The following RPS6KC1 variants were observed in gnomAD, a reference collection of about 807,000 sequenced individuals.
RPS6KC1 encodes the protein inactive ribosomal protein S6 kinase delta-1.
In RPS6KC1, 54 loss-of-function variants were observed where a neutral mutation model predicts 103.8. The ratio of observed to expected loss-of-function variants is 0.52; its 90% confidence interval spans 0.42 to 0.65. The LOEUF (loss-of-function observed/expected upper bound fraction) is 0.65, where lower values mean the gene tolerates loss of function less well. Ranked by LOEUF, RPS6KC1 falls within the 30% of genes least tolerant of loss-of-function variation. The pLI is 0.00. For synonymous variants in RPS6KC1, 439 were observed against 438.7 expected, an observed-to-expected ratio of 1.00 and a Z score of -0.01; for missense variants, 1,151 against 1,253.8, an observed-to-expected ratio of 0.92 and a Z score of 1.24.
intron 6 of RPS6KC1, among the ~76,000 whole-genome samples, chr1:213,151,395 G>C (rs1482916961): frequency 7.5e-6 from 1 of 133,024 alleles, no homozygotes; most frequent in Admixed American, 7.3e-5. Flanking sequence ...GGGCAGAGGG[G>C]CTCCTCGCTT....
At chr1:213,407,244 A>G in the RPS6KC1 span, among the ~76,000 whole-genome samples, 11 of 145,164 alleles carry the variant, frequency 7.6e-5, no homozygotes, top group Non-Finnish European at 1.2e-4. Flanking sequence ...ACACACACAC[A>G]CACGCAGAGA....
At chr1:213,164,556 C>CT (rs2090780951) in intron 6 of RPS6KC1, among the ~76,000 whole-genome samples, 1 of 152,114 alleles carries the variant, frequency 6.6e-6, no homozygotes, top group Non-Finnish European at 1.5e-5. Context: ...ATTTTTCTTT[C>CT]TTTTTTTCTT....
At chr1:213,420,455 C>T in the RPS6KC1 span, among the ~76,000 whole-genome samples, 3 of 152,168 alleles carry the variant, frequency 2.0e-5, no homozygotes, top group African/African-American at 4.8e-5. Flanking sequence ...GCTGTCAGAA[C>T]GGCCCTGAAG....
At chr1:213,858,061 A>T in the RPS6KC1 span, among the ~76,000 whole-genome samples, 1 of 152,232 alleles carries the variant, frequency 6.6e-6, no homozygotes, top group Non-Finnish European at 1.5e-5. Flanking sequence ...GAGCACTGCA[A>T]CATCAGTTAT....
At chr1:213,086,207 GC>G (rs2080380221) in intron 3 of RPS6KC1, among the ~76,000 whole-genome samples, 1 of 152,168 alleles carries the variant, frequency 6.6e-6, no homozygotes, top group Non-Finnish European at 1.5e-5. Flanking sequence ...GTTTTGGTGT[GC>G]TTCCGTTCCT....
chr1:213,691,152 T>C, the RPS6KC1 span, among the ~76,000 whole-genome samples: 1 of 152,130 alleles, frequency 6.6e-6, no homozygotes, highest in South Asian at 2.1e-4. Flanking sequence ...CGTGGAAGCC[T>C]CCCTGGCTCA....
chr1:213,762,448 T>C, the RPS6KC1 span, among the ~76,000 whole-genome samples: 80 of 152,232 alleles, frequency 5.3e-4, no homozygotes, highest in African/African-American at 1.9e-3. Context: ...TGAATGAAAA[T>C]AAGAAAAGTG....
chr1:213,819,700 G>A, the RPS6KC1 span: 1 of 152,214 alleles, frequency 6.6e-6, no homozygotes, highest in Non-Finnish European at 1.5e-5. Flanking sequence ...CACATAGAAA[G>A]TGCTCTGGTG....
rs1480497116 is a variant in RPS6KC1 at position 213,077,573 on chromosome 1, T to C, written c.142-123T>C. The C allele has an allele frequency of 1.9e-5, 9 of 470,946 alleles. No individual in the cohort carries two copies. In the Admixed American group the frequency reaches 2.7e-4, roughly 14 times the overall value. 29.2% of individuals were successfully genotyped at this position (470,946 alleles called of 1,614,324 possible). ...GTTAATTTCAGTCAGTTAATCATAT[T>C]GTTTAGGACATGTGTTTGCCTTTGC... On this transcript the variant is annotated intron_variant, in intron 2 of 14. Transcript: ENST00000366960.
chr1:213,114,948 G>A (rs545759840), intron 4 of RPS6KC1, among the ~76,000 whole-genome samples: 10 of 152,162 alleles, frequency 6.6e-5, no homozygotes, highest in Admixed American at 4.6e-4. Context: ...TGCTGGATTT[G>A]GTTTGCCAGT....
At chr1:213,370,790 C>T in the RPS6KC1 span, among the ~76,000 whole-genome samples, 2 of 152,142 alleles carry the variant, frequency 1.3e-5, no homozygotes, top group Non-Finnish European at 2.9e-5. Context: ...AGAGACTCTA[C>T]TCTAGATGGG....
the RPS6KC1 span, among the ~76,000 whole-genome samples, chr1:213,708,583 C>T: frequency 6.6e-6 from 1 of 152,114 alleles, no homozygotes; most frequent in Non-Finnish European, 1.5e-5. Context: ...ACTTCCAATA[C>T]TGTTTTGAAT....
At chr1:213,714,759 G>C in the RPS6KC1 span, among the ~76,000 whole-genome samples, 2 of 152,224 alleles carry the variant, frequency 1.3e-5, no homozygotes, top group Non-Finnish European at 2.9e-5. Context: ...TGATTTCTTT[G>C]GAGTGTATTT....
At chr1:213,696,502 CAAAAAAAA>C in the RPS6KC1 span, among the ~76,000 whole-genome samples, 8 of 120,932 alleles carry the variant, frequency 6.6e-5, no homozygotes, top group African/African-American at 3.6e-4. Flanking sequence ...AACTCCGTCT[CAAAAAAAA>C]AAAAAAAAAA....
At chr1:213,152,498 G>C (rs2089283717) in intron 6 of RPS6KC1, among the ~76,000 whole-genome samples, 1 of 151,478 alleles carries the variant, frequency 6.6e-6, no homozygotes, top group African/African-American at 2.4e-5. Context: ...TGGCTGCCGG[G>C]CGGAGGGGCT....
At chr1:213,734,666 G>A in the RPS6KC1 span, among the ~76,000 whole-genome samples, 1 of 152,212 alleles carries the variant, frequency 6.6e-6, no homozygotes. Context: ...GTGGAAAAAA[G>A]ATGGCTGGCC....
the RPS6KC1 span, among the ~76,000 whole-genome samples, chr1:213,859,187 G>C: frequency 2.0e-5 from 3 of 152,218 alleles, no homozygotes; most frequent in Non-Finnish European, 4.4e-5. Flanking sequence ...GTAAGAAAGA[G>C]AGAATCTCAC....
At chr1:213,859,722 A>T in the RPS6KC1 span, among the ~76,000 whole-genome samples, 1 of 152,144 alleles carries the variant, frequency 6.6e-6, no homozygotes, top group Non-Finnish European at 1.5e-5. Flanking sequence ...GACTTTGGAG[A>T]GTGCTTTACA....
chr1:213,151,847 C>T (rs2089039401), intron 6 of RPS6KC1, among the ~76,000 whole-genome samples: 1 of 130,486 alleles, frequency 7.7e-6, no homozygotes, highest in African/African-American at 3.0e-5. Context: ...CCCCACCTCC[C>T]TCCCGGACGG....
Sources: allele counts gnomAD v4.1 joint callset (sites outside exome capture counted in the v4.1 genomes callset), GRCh38; gene constraint gnomAD v4.1.1; transcripts MANE v1.5; gene names NCBI Gene and HGNC (gene_info 2026-07-23, HGNC 2026-07-21).